CAMKMT: variants seen among roughly 807,000 people sequenced by gnomAD.
CAMKMT encodes the protein CaM KMT.
In CAMKMT, 53 loss-of-function variants were observed where a neutral mutation model predicts 48.0. The ratio of observed to expected loss-of-function variants is 1.10; its 90% CI spans 0.89 to 1.39. The LOEUF is 1.39. Ranked by LOEUF, CAMKMT falls within the 40% of genes most tolerant of loss-of-function variation. The probability of loss-of-function intolerance (pLI) is 0.00; values close to 1 mark genes in which losing one functional copy is unlikely to be tolerated. For synonymous variants in CAMKMT, 165 were observed against 152.3 expected (o/e 1.08, Z -0.61); for missense variants, 428 against 402.7 (o/e 1.06, Z -0.54).
At chr2:44,673,471 G>GAAGA (rs1553435761) in intron 3 of CAMKMT, among the ~76,000 whole-genome samples, 5 of 116,844 alleles carry the variant, frequency 4.3e-5, no homozygotes, top group African/African-American at 7.2e-5. Flanking sequence ...GAAAGAGAGA[G>GAAGA]AGGAAGGAAG....
chr2:44,766,677 C>A, intron 10 of CAMKMT, 116 bp downstream of exon 10: 1 of 1,053,574 alleles, frequency 9.5e-7, no homozygotes, highest in Non-Finnish European at 1.4e-6. Context: ...AGATGTGTTG[C>A]TTCTGAACAG....
intron 6 of CAMKMT, among the ~76,000 whole-genome samples, chr2:44,712,743 G>A (rs947396472): frequency 2.6e-5 from 4 of 152,250 alleles, no homozygotes; most frequent in South Asian, 2.1e-4. Context: ...CAGAGAACAC[G>A]ATTTGGCCCG....
chr2:44,686,705 A>G (rs1208454955), intron 3 of CAMKMT, among the ~76,000 whole-genome samples: 1 of 152,226 alleles, frequency 6.6e-6, no homozygotes, highest in Non-Finnish European at 1.5e-5. Context: ...CTTTCTGGAA[A>G]TGAACGCTCA....
At chr2:44,520,137 T>A (rs1162563284) in intron 3 of CAMKMT, among the ~76,000 whole-genome samples, 2 of 151,702 alleles carry the variant, frequency 1.3e-5, no homozygotes, top group Non-Finnish European at 2.9e-5. Flanking sequence ...GAGAATGGCG[T>A]GAACCTGGGA....
intron 3 of CAMKMT, among the ~76,000 whole-genome samples, chr2:44,635,857 G>A (rs1673100672): frequency 6.6e-6 from 1 of 152,132 alleles, no homozygotes. Context: ...TATCCAATAT[G>A]GAGTTGGTAT....
At chr2:44,549,534 T>TTTTTTTTC in intron 3 of CAMKMT, 1 of 692,840 alleles carries the variant, frequency 1.4e-6, no homozygotes, top group East Asian at 2.7e-5. Context: ...GTATATATAA[T>TTTTTTTTC]TTTTTTTCTT....
intron 3 of CAMKMT, among the ~76,000 whole-genome samples, chr2:44,455,771 A>C (rs1667530409): frequency 6.6e-6 from 1 of 150,868 alleles, no homozygotes. Flanking sequence ...ATTCTTAAAA[A>C]GCTATTTTTT....
rs919571385 is a variant in CAMKMT, at chr2:44,431,498, C to G, written c.376+41193C>G. On this transcript the variant is annotated intron_variant, in intron 3 of 10. Coordinates refer to ENST00000378494, the MANE Select transcript of CAMKMT (RefSeq NM_024766.5). ...TTCTTTCCCTGGTCTTTATTTTTCCCTTTTTTACTGTAGAGGTAACATCAG... is the reference window on the plus strand; with the variant it reads ...TTCTTTCCCTGGTCTTTATTTTTCCGTTTTTTACTGTAGAGGTAACATCAG... Among the ~76,000 whole-genome samples, 5 of 151,948 alleles carry G rather than the reference C, an allele frequency of 3.3e-5. No individual in the cohort carries two copies. In the East Asian group the frequency reaches 9.6e-4, roughly 29 times the overall value.
chr2:44,749,760 C>T (rs1281825907), intron 8 of CAMKMT, among the ~76,000 whole-genome samples: 1 of 152,214 alleles, frequency 6.6e-6, no homozygotes, highest in African/African-American at 2.4e-5. Flanking sequence ...CCTCCCTTGT[C>T]TGAAGTACAG....
intron 8 of CAMKMT, 36 bp from the exon 9 acceptor site, chr2:44,754,019 A>G: frequency 2.6e-6 from 4 of 1,558,636 alleles, no homozygotes; most frequent in Middle Eastern, 1.7e-4. Flanking sequence ...TTGAAAACCC[A>G]GTTTAATCTG....
At position 44,571,335 on chromosome 2, in the gene CAMKMT, G is replaced by A. The variant is rs1668887620; in HGVS notation, c.377-132948G>A. Among the ~76,000 whole-genome samples the A allele has an allele frequency of 2.0e-5, 3 of 152,148 alleles. No homozygotes were observed. The South Asian group carries it at 6.2e-4, about 32-fold the overall frequency. On this transcript the variant is annotated intron_variant, in intron 3 of 10. Transcript: ENST00000378494. ...AAGAGAAGGGGTCTCCTTAAAACTTGAGAGAAGGAAAGAATTTGTCCCATT... is the reference window on the plus strand; with the variant it reads ...AAGAGAAGGGGTCTCCTTAAAACTTAAGAGAAGGAAAGAATTTGTCCCATT...
intron 3 of CAMKMT, among the ~76,000 whole-genome samples, chr2:44,421,121 T>G (rs1245389903): frequency 1.3e-5 from 2 of 152,128 alleles, no homozygotes; most frequent in Non-Finnish European, 2.9e-5. Flanking sequence ...AGAAAAATAT[T>G]GAATTTCAAA....
intron 3 of CAMKMT, among the ~76,000 whole-genome samples, chr2:44,628,429 C>T (rs526405): frequency 0.046 from 7,027 of 151,890 alleles, 222 homozygotes; most frequent in Non-Finnish European, 0.067. Flanking sequence ...TTTCTAATTA[C>T]TTGGGGTTTA....
At chr2:44,611,974 C>A (rs1671626423) in intron 3 of CAMKMT, among the ~76,000 whole-genome samples, 1 of 152,126 alleles carries the variant, frequency 6.6e-6, no homozygotes, top group African/African-American at 2.4e-5. Context: ...ATTCAAACAC[C>A]TCCCACCAGG....
At chr2:44,607,965 T>C (rs1671382045) in intron 3 of CAMKMT, among the ~76,000 whole-genome samples, 1 of 151,994 alleles carries the variant, frequency 6.6e-6, no homozygotes, top group Non-Finnish European at 1.5e-5. Context: ...TTCACCACCC[T>C]TCTCCCACCA....
At chr2:44,741,749 C>T (rs1225532088) in intron 7 of CAMKMT, among the ~76,000 whole-genome samples, 1 of 152,202 alleles carries the variant, frequency 6.6e-6, no homozygotes, top group East Asian at 1.9e-4. Flanking sequence ...TGACTCATTA[C>T]AGCTGCTGTG....
At chr2:44,403,003 T>G (rs1682536370) in intron 3 of CAMKMT, among the ~76,000 whole-genome samples, 1 of 151,944 alleles carries the variant, frequency 6.6e-6, no homozygotes, top group African/African-American at 2.4e-5. Context: ...TCTCTGTCTG[T>G]TACAGTAGAG....
At chr2:44,442,579 A>G (rs969765845) in intron 3 of CAMKMT, among the ~76,000 whole-genome samples, 14 of 152,124 alleles carry the variant, frequency 9.2e-5, no homozygotes, top group African/African-American at 1.7e-4. Flanking sequence ...GACTCCTTGC[A>G]TTTCAATATA....
intron 3 of CAMKMT, among the ~76,000 whole-genome samples, chr2:44,568,109 G>A (rs1431185731): frequency 6.6e-6 from 1 of 152,116 alleles, no homozygotes. Flanking sequence ...TAACAGTTGA[G>A]CATAAATCTG....
Sources: gnomAD v4.1 joint callset for allele counts (sites outside exome capture counted in the v4.1 genomes callset) on GRCh38, gnomAD v4.1.1 for gene constraint, MANE v1.5 for transcripts, NCBI Gene and HGNC (gene_info 2026-07-23, HGNC 2026-07-21) for gene names.